The following GALNT10 variants were observed in gnomAD, a reference collection of about 807,000 sequenced individuals.
The protein encoded by GALNT10 is GalNAc transferase 10.
Under a neutral mutation model 75.0 loss-of-function variants are expected in GALNT10, and 41 were observed. That is an observed-to-expected ratio of 0.55 (90% CI 0.43 to 0.71). The LOEUF (loss-of-function observed/expected upper bound fraction) is 0.71. Ranked by LOEUF, GALNT10 falls within the 30% of genes least tolerant of loss-of-function variation. GALNT10 has a pLI of 0.00. For missense variants in GALNT10, 727 were observed against 818.5 expected, an observed-to-expected ratio of 0.89 and a Z score of 1.36; for synonymous variants, 302 against 313.0, an observed-to-expected ratio of 0.96 and a Z score of 0.37.
intron 3 of GALNT10, among the ~76,000 whole-genome samples, chr5:154,304,014 A>G (rs1296075683): frequency 6.6e-6 from 1 of 152,192 alleles, no homozygotes; most frequent in African/African-American, 2.4e-5. Context: ...GAAATCAACA[A>G]TGTCTAAAAT....
chr5:154,249,893 A>G (rs1753488181), intron 1 of GALNT10, among the ~76,000 whole-genome samples: 1 of 152,146 alleles, frequency 6.6e-6, no homozygotes, highest in Non-Finnish European at 1.5e-5. Flanking sequence ...TCAGGGGCAT[A>G]TAAGGGAATT....
At chr5:154,273,286 G>A (rs963627305) in intron 1 of GALNT10, among the ~76,000 whole-genome samples, 1 of 152,118 alleles carries the variant, frequency 6.6e-6, no homozygotes, top group African/African-American at 2.4e-5. Context: ...CTTGAACACT[G>A]GCCGGCACTG....
At chr5:154,407,878 A>G (rs1032811661) in intron 8 of GALNT10, among the ~76,000 whole-genome samples, 4 of 152,190 alleles carry the variant, frequency 2.6e-5, no homozygotes, top group Non-Finnish European at 5.9e-5. Flanking sequence ...CCTGGTCCCC[A>G]ACTCAGAGCC....
intron 1 of GALNT10, among the ~76,000 whole-genome samples, chr5:154,214,524 TGCTTCCTTTTTTAAACTTAAAAAA>T (rs143242243): frequency 0.34 from 52,391 of 152,064 alleles, 10,859 homozygotes; most frequent in East Asian, 0.78. Flanking sequence ...TAGACTAAAA[TGCTTCCTTTTTTAAACTTAAAAAA>T]GGGACTAATT....
Position 154,418,903 on chromosome 5 carries a change from TAAC to T in GALNT10, c.*1934_*1936del, listed in dbSNP as rs986477155. On this transcript the variant is annotated 3_prime_UTR_variant, in exon 12 of 12. Transcript: ENST00000297107. The stretch of plus-strand genomic sequence containing the variant: ...ATGAGGCCCCTTCTAGAATCTAGGA[TAAC>T]AAGAGTGTTGACAGTTTGAGGAGTC... 3.3e-5 allele frequency: 5 copies of T among 152,552 alleles called. No homozygotes were observed. Among genetic ancestry groups the T allele is most frequent in the African/African-American group, 9.7e-5 (4 of 41,428 alleles). The allele number at this position is 152,552 out of a possible 1,614,324, so 9.4% of individuals were successfully genotyped here. A position where few individuals can be genotyped will look rare whatever the true frequency, so the allele number is the denominator to read the frequency against.
intron 4 of GALNT10, among the ~76,000 whole-genome samples, chr5:154,363,608 T>C (rs568127142): frequency 7.1e-4 from 107 of 151,688 alleles, no homozygotes; most frequent in African/African-American, 2.5e-3. Flanking sequence ...ATTTGCTGCA[T>C]GTGTGATATT....
At chr5:154,373,630 AATC>A (rs1343746914) in intron 4 of GALNT10, among the ~76,000 whole-genome samples, 1 of 152,042 alleles carries the variant, frequency 6.6e-6, no homozygotes, top group Non-Finnish European at 1.5e-5. Flanking sequence ...TTGTCATCAT[AATC>A]ATCATCATCT....
intron 1 of GALNT10, chr5:154,218,021 C>T (rs1752910291): frequency 1.0e-6 from 1 of 985,094 alleles, no homozygotes; most frequent in Non-Finnish European, 1.2e-6. Context: ...TTCTATTTCT[C>T]CTGCCAGCTC....
At chr5:154,248,688 GATT>G (rs1194219806) in intron 1 of GALNT10, among the ~76,000 whole-genome samples, 1 of 152,094 alleles carries the variant, frequency 6.6e-6, no homozygotes, top group East Asian at 1.9e-4. Context: ...GCGTCTATTT[GATT>G]CTTCTCTCTT....
At chr5:154,357,547 G>A (rs1002746747) in intron 4 of GALNT10, among the ~76,000 whole-genome samples, 1 of 152,104 alleles carries the variant, frequency 6.6e-6, no homozygotes, top group Non-Finnish European at 1.5e-5. Flanking sequence ...CTTTCAAGGT[G>A]CTGGAAACAG....
intron 4 of GALNT10, among the ~76,000 whole-genome samples, chr5:154,334,278 G>A (rs1291670515): frequency 4.6e-5 from 7 of 152,246 alleles, no homozygotes; most frequent in Non-Finnish European, 8.8e-5. Flanking sequence ...TCAAGGACTC[G>A]AGTGGAAGCA....
chr5:154,380,705 C>A, intron 6 of GALNT10, 74 bp downstream of exon 6: 1 of 1,039,680 alleles, frequency 9.6e-7, no homozygotes, highest in Non-Finnish European at 1.4e-6. Context: ...AACTCAGGAT[C>A]GCCATCTCCC....
At chr5:154,266,455 A>G (rs765169279) in intron 1 of GALNT10, among the ~76,000 whole-genome samples, 34 of 152,108 alleles carry the variant, frequency 2.2e-4, no homozygotes, top group Non-Finnish European at 4.3e-4. Context: ...GAAAAATTAC[A>G]GGGAGATCCT....
intron 4 of GALNT10, among the ~76,000 whole-genome samples, chr5:154,354,854 C>T (rs1326511106): frequency 2.6e-5 from 4 of 152,150 alleles, no homozygotes; most frequent in African/African-American, 4.8e-5. Context: ...GGAAACTGTA[C>T]GTGACCCTGG....
intron 1 of GALNT10, among the ~76,000 whole-genome samples, chr5:154,208,090 G>A (rs966947996): frequency 1.7e-4 from 26 of 152,226 alleles, no homozygotes; most frequent in African/African-American, 5.3e-4. Flanking sequence ...AGCCTGCTGT[G>A]TAGCTGGCAT....
chr5:154,235,028 C>T (rs1446524881), intron 1 of GALNT10, among the ~76,000 whole-genome samples: 2 of 152,130 alleles, frequency 1.3e-5, no homozygotes, highest in African/African-American at 2.4e-5. Flanking sequence ...GGAAACAGGG[C>T]CTGAGGGAAA....
chr5:154,279,976 A>G (rs1581953246), intron 1 of GALNT10, among the ~76,000 whole-genome samples: 1 of 152,220 alleles, frequency 6.6e-6, no homozygotes, highest in East Asian at 1.9e-4. Context: ...CTGTACTCTC[A>G]TGTTTATTGC....
chr5:154,395,337 A>G (rs1755994188), intron 7 of GALNT10, among the ~76,000 whole-genome samples: 1 of 152,220 alleles, frequency 6.6e-6, no homozygotes, highest in African/African-American at 2.4e-5. Context: ...TTCTAGTGCA[A>G]ATTCAATGAG....
rs1755805040 is a variant in GALNT10, at chr5:154,386,294, T to C, written c.939-19T>C. 1.9e-6 allele frequency: 3 copies of C among 1,581,168 alleles called. No homozygotes were observed. Among genetic ancestry groups the C allele is most frequent in the South Asian group, 2.2e-5 (2 of 90,250 alleles). On this transcript the variant is annotated intron_variant, in intron 6 of 11. Transcript: ENST00000297107. ...CCAGGACATCTGCACCTTCACACCA[T>C]GTTCTTCTTCTCTGACAGGTCTCCC...
Sources: allele counts gnomAD v4.1 joint callset (sites outside exome capture counted in the v4.1 genomes callset), GRCh38; gene constraint gnomAD v4.1.1; transcripts MANE v1.5; gene names NCBI Gene and HGNC (gene_info 2026-07-23, HGNC 2026-07-21).